Variants in NLGN1 observed in about 807,000 individuals in gnomAD.
NLGN1 encodes the protein neuroligin 1, also known as neuroligin-1.
NLGN1 carries 12 observed loss-of-function variants against 65.5 expected under a neutral mutation model. The observed-to-expected ratio is 0.18, with a 90% CI of 0.12 to 0.30. The LOEUF (loss-of-function observed/expected upper bound fraction) is 0.30, where lower values mean the gene tolerates loss of function less well. NLGN1 is among the 10% of genes least tolerant of loss of function. NLGN1 has a pLI of 1.00. For synonymous variants in NLGN1, 350 were observed against 359.5 expected (o/e 0.97, Z 0.30); for missense variants, 750 against 1,007.1 (o/e 0.74, Z 3.46).
chr3:173,600,450 A>G (rs1750298377), intron 2 of NLGN1, among the ~76,000 whole-genome samples: 1 of 152,062 alleles, frequency 6.6e-6, no homozygotes, highest in African/African-American at 2.4e-5. Context: ...TATACATTTT[A>G]TGAGGGACAT....
intron 3 of NLGN1, among the ~76,000 whole-genome samples, chr3:173,731,739 T>C (rs1387927546): frequency 2.6e-5 from 4 of 152,074 alleles, no homozygotes; most frequent in Non-Finnish European, 5.9e-5. Context: ...ATAATTCACC[T>C]AGAACAATAT....
chr3:174,231,008 G>A (rs745431597), intron 4 of NLGN1, among the ~76,000 whole-genome samples: 2 of 152,108 alleles, frequency 1.3e-5, no homozygotes, highest in African/African-American at 2.4e-5. Context: ...GTTTGAGGAA[G>A]GGCTGTTACT....
chr3:173,534,833 C>G (rs1282590789), intron 2 of NLGN1, among the ~76,000 whole-genome samples: 1 of 152,178 alleles, frequency 6.6e-6, no homozygotes, highest in Non-Finnish European at 1.5e-5. Flanking sequence ...CTCACACCTG[C>G]CCAACTCTGG....
At position 173,664,005 on chromosome 3, in the gene NLGN1, C is replaced by T. The variant is rs1502487; in HGVS notation, c.493+58914C>T. 6.5e-3 allele frequency among the ~76,000 whole-genome samples: 994 copies of T among 151,978 alleles called. 14 individuals are homozygous for T. The highest frequency in any genetic ancestry group is 0.023 in the African/African-American group (948 of 41,482). Reference sequence around the variant, plus strand: ...AATGTTGGGAAGATGGAGGAGTATTCAGCATGAGGTATGCTGTCATTATAT... The same window carrying T: ...AATGTTGGGAAGATGGAGGAGTATTTAGCATGAGGTATGCTGTCATTATAT... On this transcript the variant is annotated intron_variant, in intron 3 of 6. Transcript: ENST00000457714.
intron 4 of NLGN1, among the ~76,000 whole-genome samples, chr3:174,022,981 TCAATA>T (rs1276590336): frequency 6.6e-6 from 1 of 152,148 alleles, no homozygotes; most frequent in Admixed American, 6.6e-5. Context: ...ATGTTATACT[TCAATA>T]CAATTTTACT....
At chr3:173,427,757 A>G (rs943679411) in intron 1 of NLGN1, among the ~76,000 whole-genome samples, 6 of 151,832 alleles carry the variant, frequency 4.0e-5, no homozygotes, top group African/African-American at 9.7e-5. Context: ...GAGAAGTTCA[A>G]TAGGCTGATG....
intron 2 of NLGN1, among the ~76,000 whole-genome samples, chr3:173,546,801 C>A (rs1022012370): frequency 9.9e-5 from 15 of 152,088 alleles, no homozygotes; most frequent in Non-Finnish European, 1.6e-4. Flanking sequence ...TGAGCAGTGT[C>A]CACCAATGTT....
At chr3:173,570,297 G>A (rs1342731769) in intron 2 of NLGN1, among the ~76,000 whole-genome samples, 1 of 152,186 alleles carries the variant, frequency 6.6e-6, no homozygotes, top group African/African-American at 2.4e-5. Flanking sequence ...AAATGTTTCA[G>A]AAAGAGCAAG....
intron 4 of NLGN1, among the ~76,000 whole-genome samples, chr3:174,168,402 GT>G (rs1727927306): frequency 2.6e-5 from 4 of 151,970 alleles, no homozygotes; most frequent in Admixed American, 6.6e-5. Context: ...CTATAATATT[GT>G]TTTTTAATTA....
At chr3:173,748,625 T>C (rs1335810297) in intron 3 of NLGN1, among the ~76,000 whole-genome samples, 2 of 152,152 alleles carry the variant, frequency 1.3e-5, no homozygotes, top group Non-Finnish European at 2.9e-5. Context: ...CCAGATGTAA[T>C]ATAAACAAAC....
intron 4 of NLGN1, among the ~76,000 whole-genome samples, chr3:174,233,558 C>T (rs973656760): frequency 6.6e-6 from 1 of 151,714 alleles, no homozygotes; most frequent in African/African-American, 2.4e-5. Flanking sequence ...CTTGAACAGA[C>T]AAGAATGCTA....
At chr3:174,221,889 C>A (rs988702052) in intron 4 of NLGN1, among the ~76,000 whole-genome samples, 1 of 152,002 alleles carries the variant, frequency 6.6e-6, no homozygotes, top group Non-Finnish European at 1.5e-5. Context: ...GTCTCTGTGT[C>A]GGATCTGAAT....
At chr3:174,149,285 T>C (rs1468791127) in intron 4 of NLGN1, among the ~76,000 whole-genome samples, 4 of 152,152 alleles carry the variant, frequency 2.6e-5, no homozygotes, top group Non-Finnish European at 5.9e-5. Context: ...CTAACAATAC[T>C]ATCTACCAAA....
chr3:174,119,604 A>C (rs1717313834), intron 4 of NLGN1, among the ~76,000 whole-genome samples: 1 of 152,182 alleles, frequency 6.6e-6, no homozygotes, highest in African/African-American at 2.4e-5. Context: ...GAGTCTTTAA[A>C]ACTGCTCCAA....
At chr3:173,517,238 A>G (rs927655455) in intron 2 of NLGN1, among the ~76,000 whole-genome samples, 27 of 152,056 alleles carry the variant, frequency 1.8e-4, no homozygotes, top group African/African-American at 6.3e-4. Flanking sequence ...CCCTTAAATG[A>G]AGTAATGAGA....
At position 173,430,795 on chromosome 3, in the gene NLGN1, G is replaced by A. The variant is rs188672930; in HGVS notation, c.-389-4215G>A. On this transcript the variant is annotated intron_variant, in intron 1 of 6. Coordinates refer to ENST00000457714, the Ensembl canonical transcript of NLGN1. ...CATCTCTTCTTCTCTGCTTCCCACC[G>A]TGTGATCTTTACATACCAGCTCCTC... 9.2e-5 allele frequency among the ~76,000 whole-genome samples: 14 copies of A among 152,228 alleles called. 1 individual carries two copies. Among genetic ancestry groups the A allele is most frequent in the South Asian group, 6.2e-4 (3 of 4,824 alleles).
intron 4 of NLGN1, among the ~76,000 whole-genome samples, chr3:173,977,346 G>A (rs541793221): frequency 3.6e-4 from 55 of 151,998 alleles, no homozygotes; most frequent in South Asian, 2.3e-3. Flanking sequence ...GGAAGGGCAC[G>A]TGCATAAACA....
chr3:174,050,920 C>T (rs568896566), intron 4 of NLGN1, among the ~76,000 whole-genome samples: 17 of 152,028 alleles, frequency 1.1e-4, no homozygotes, highest in East Asian at 5.8e-4. Context: ...ATTCCAGCCA[C>T]GAGAGAAGAG....
chr3:173,719,258 CT>C (rs1364960063), intron 3 of NLGN1, among the ~76,000 whole-genome samples: 1 of 152,138 alleles, frequency 6.6e-6, no homozygotes, highest in African/African-American at 2.4e-5. Flanking sequence ...TCTGATTTTC[CT>C]CTCTTTTTGT....
Sources: gnomAD v4.1 joint callset for allele counts (sites outside exome capture counted in the v4.1 genomes callset) on GRCh38, gnomAD v4.1.1 for gene constraint, MANE v1.5 for transcripts, NCBI Gene and HGNC (gene_info 2026-07-23, HGNC 2026-07-21) for gene names.